Variants in LZTFL1 observed in about 807,000 individuals in gnomAD.
The protein encoded by LZTFL1 is leucine zipper transcription factor like 1, also known as leucine zipper transcription factor-like protein 1.
In LZTFL1, 25 loss-of-function variants were observed where a neutral mutation model predicts 45.9. That is an observed-to-expected ratio of 0.54 (90% CI 0.40 to 0.76). The LOEUF (loss-of-function observed/expected upper bound fraction) is 0.76, where lower values mean the gene tolerates loss of function less well. Among genes scored for constraint, LZTFL1 ranks in the 30% least tolerant of loss-of-function variants. The pLI, the probability that LZTFL1 is intolerant of heterozygous loss-of-function variation, is 0.00. For missense variants in LZTFL1, 277 were observed against 331.1 expected (o/e 0.84, Z 1.27); for synonymous variants, 93 against 117.4 (o/e 0.79, Z 1.35).
chr3:45,911,368 A>C (rs1702792176), intron 2 of LZTFL1, among the ~76,000 whole-genome samples: 1 of 152,270 alleles, frequency 6.6e-6, no homozygotes, highest in African/African-American at 2.4e-5. Flanking sequence ...CCAAGAGAGT[A>C]AAAGGGATTG....
At chr3:45,871,819 G>C (rs1701675634) in intron 2 of LZTFL1, among the ~76,000 whole-genome samples, 1 of 152,206 alleles carries the variant, frequency 6.6e-6, no homozygotes, top group Non-Finnish European at 1.5e-5. Flanking sequence ...AAAGCGACTT[G>C]CAACCAGCAT....
At chr3:45,913,114 A>T in intron 2 of LZTFL1, 1 of 1,535,996 alleles carries the variant, frequency 6.5e-7, no homozygotes. Flanking sequence ...AATGGTTCAG[A>T]CTTACCATCT....
At chr3:45,858,423 C>G (rs1701429179) in intron 3 of LZTFL1, among the ~76,000 whole-genome samples, 1 of 152,172 alleles carries the variant, frequency 6.6e-6, no homozygotes, top group South Asian at 2.1e-4. Flanking sequence ...TATGGTGACA[C>G]AGAAACAGTC....
In LZTFL1 at chr3:45,900,787, T is replaced by A; in HGVS notation, c.-215+12333A>T. On this transcript the variant is annotated intron_variant, in intron 2 of 4. Coordinates refer to the LZTFL1 transcript ENST00000472635. This position sits in a 1 kb window ranked among gnomAD's most constrained non-coding sequence, Gnocchi z 4.7. ...CTTCAAAATATTTTCCTTGACCTAA[T>A]GCCATCTTGTGTCCCCTTGCAGAGC... 6.3e-7 allele frequency: 1 copy of A among 1,592,122 alleles called. No homozygotes were observed. The highest frequency in any genetic ancestry group is 2.2e-5 in the East Asian group (1 of 44,614).
upstream of LZTFL1, among the ~76,000 whole-genome samples, chr3:45,845,375 C>T (rs1400918811): frequency 6.6e-6 from 1 of 152,112 alleles, no homozygotes; most frequent in African/African-American, 2.4e-5. Flanking sequence ...CGAGATAGTT[C>T]ACTTCTGTTG....
chr3:45,834,387 T>C, intron 3 of LZTFL1, 89 bp from the exon 4 acceptor site: 1 of 804,984 alleles, frequency 1.2e-6, no homozygotes. Context: ...TACCAACCCA[T>C]TACATGCCAG....
At position 45,823,785 on chromosome 3, in the gene LZTFL1, T is replaced by C. The variant is rs891399461; in HGVS notation, c.*2529A>G. 1 of 152,210 alleles carries C rather than the reference T, an allele frequency of 6.6e-6. No individual in the cohort carries two copies. The highest frequency in any genetic ancestry group is 2.4e-5 in the African/African-American group (1 of 41,446). The allele number at this position is 152,210 out of a possible 1,614,324, so 9.4% of individuals were successfully genotyped here. A position where few individuals can be genotyped will look rare whatever the true frequency, so the allele number is the denominator to read the frequency against. The stretch of plus-strand genomic sequence containing the variant: ...GCTTTGGAACATAGGCATTTACACA[T>C]AAGCAGAGGGAAATCATTAATGCCA... On this transcript the variant is annotated 3_prime_UTR_variant, in exon 10 of 10. Transcript: ENST00000296135.
At chr3:45,863,333 C>T (rs920241694) in intron 2 of LZTFL1, among the ~76,000 whole-genome samples, 8 of 152,160 alleles carry the variant, frequency 5.3e-5, no homozygotes, top group African/African-American at 1.9e-4. Context: ...CATAATCTTG[C>T]AATTCCTAAT....
At chr3:45,876,832 T>C (rs1701755296) in intron 2 of LZTFL1, among the ~76,000 whole-genome samples, 1 of 151,998 alleles carries the variant, frequency 6.6e-6, no homozygotes. Context: ...AACCTTAAAA[T>C]GAAAAGAGAA....
chr3:45,827,174 C>A (rs1700689609), intron 9 of LZTFL1, 182 bp downstream of exon 9: 1 of 569,292 alleles, frequency 1.8e-6, no homozygotes, highest in African/African-American at 1.9e-5. Context: ...AAAAAGAAGC[C>A]CTGGTGGGCA....
At chr3:45,897,689 TC>T in intron 2 of LZTFL1, 1 of 1,314,486 alleles carries the variant, frequency 7.6e-7, no homozygotes, top group Non-Finnish European at 1.0e-6. Context: ...TCTCATTTGT[TC>T]CCCAGGAACC....
In LZTFL1 at chr3:45,870,380, G is replaced by A. The variant is rs117562965; in HGVS notation, c.-214-11364C>T. On this transcript the variant is annotated intron_variant, in intron 2 of 4. Transcript: ENST00000472635. ...GTTAATCAGAAAGGCCTGCTTGCAT[G>A]TGGTTCAGACATCCTGAGGTGGTAG... Among the ~76,000 whole-genome samples the A allele has an allele frequency of 3.3e-4, 50 of 152,352 alleles. 1 individual carries two copies. In the East Asian group the frequency reaches 9.5e-3, roughly 29 times the overall value.
At chr3:45,831,160 TTATTA>T (rs1357779584) in intron 5 of LZTFL1, 22 bp from the exon 6 acceptor site, 1 of 1,314,948 alleles carries the variant, frequency 7.6e-7, no homozygotes, top group Non-Finnish European at 1.1e-6. Flanking sequence ...AATTCAAATT[TTATTA>T]TATTAACCAA....
chr3:45,847,942 G>C (rs1478863293), intron 4 of LZTFL1, among the ~76,000 whole-genome samples: 1 of 152,004 alleles, frequency 6.6e-6, no homozygotes, highest in Admixed American at 6.6e-5. Context: ...ACTTTTCTTA[G>C]TGGTGTCTTG....
Position 45,825,477 on chromosome 3 carries a change from G to T in LZTFL1, c.*837C>A, listed in dbSNP as rs1407356854. The T allele has an allele frequency of 2.0e-5, 3 of 152,164 alleles. No homozygotes were observed. The highest frequency in any genetic ancestry group is 7.2e-5 in the African/African-American group (3 of 41,452). The allele number at this position is 152,164 out of a possible 1,614,324, so 9.4% of individuals were successfully genotyped here. ...AAGTCTAATCTGAAGTCTGATAGCT[G>T]ATTTTATGTTGAATATACGTCTTTT... On this transcript the variant is annotated 3_prime_UTR_variant, in exon 10 of 10. Transcript: ENST00000296135.
At chr3:45,871,249 G>A (rs1701666052) in intron 2 of LZTFL1, among the ~76,000 whole-genome samples, 2 of 152,222 alleles carry the variant, frequency 1.3e-5, no homozygotes, top group South Asian at 4.1e-4. Flanking sequence ...TACAAGGAAT[G>A]CAAACTTTGT....
rs971418462 is a variant in LZTFL1, at chr3:45,901,001, T to C, written c.-215+12119A>G. 11 of 1,614,126 alleles carry C rather than the reference T, an allele frequency of 6.8e-6. 1 individual carries two copies. The highest frequency in any genetic ancestry group is 1.3e-5 in the African/African-American group (1 of 74,952). ...CCTTGGGCAACAGTCTTGTTATCCT[T>C]GTCTACTGGTACTGCACAAGAGTGA... is the stretch of plus-strand genomic sequence containing the variant. On this transcript the variant is annotated intron_variant, in intron 2 of 4. Transcript: ENST00000472635. The surrounding 1 kb of genome is among the most constrained non-coding windows in gnomAD (Gnocchi z 4.3).
At position 45,871,594 on chromosome 3, in the gene LZTFL1, A is replaced by G. The variant is rs566475009; in HGVS notation, c.-214-12578T>C. On this transcript the variant is annotated intron_variant, in intron 2 of 4. Transcript: ENST00000472635. Reference sequence around the variant, plus strand: ...AAAAGCAAGTGGCAACATACTAGACATTTTTCTTTATTTCAGAAAGTCATA... The same window carrying G: ...AAAAGCAAGTGGCAACATACTAGACGTTTTTCTTTATTTCAGAAAGTCATA... Among the ~76,000 whole-genome samples the G allele has an allele frequency of 3.3e-5, 5 of 152,190 alleles. No individual in the cohort carries two copies. In the East Asian group the frequency reaches 9.7e-4, roughly 29 times the overall value.
intron 4 of LZTFL1, among the ~76,000 whole-genome samples, chr3:45,848,260 T>C (rs571704653): frequency 6.6e-6 from 1 of 152,360 alleles, no homozygotes; most frequent in African/African-American, 2.4e-5. Flanking sequence ...GACGCCTTCA[T>C]GAATTTCCTT....
Sources: allele counts gnomAD v4.1 joint callset (sites outside exome capture counted in the v4.1 genomes callset), GRCh38; gene constraint gnomAD v4.1.1; non-coding constraint Gnocchi (gnomAD v3.1); transcripts MANE v1.5; gene names NCBI Gene and HGNC (gene_info 2026-07-23, HGNC 2026-07-21).